Variants in RNF130 observed in about 807,000 individuals in gnomAD.
RNF130 encodes the protein ring finger protein 130.
RNF130 carries 21 observed loss-of-function variants against 44.6 expected under a neutral mutation model. The ratio of observed to expected loss-of-function variants is 0.47; its 90% CI spans 0.33 to 0.68. RNF130 has a LOEUF of 0.68. RNF130 is among the 30% of genes least tolerant of loss of function. The pLI is 0.02. For missense variants in RNF130, 479 were observed against 560.6 expected (o/e 0.85, Z 1.47); for synonymous variants, 214 against 210.4 (o/e 1.02, Z -0.15).
intron 1 of RNF130, among the ~76,000 whole-genome samples, chr5:180,063,617 T>C (rs981831453): frequency 6.6e-6 from 1 of 152,138 alleles, no homozygotes; most frequent in African/African-American, 2.4e-5. Flanking sequence ...TAACAGGAGG[T>C]ACGTGGAGAG....
chr5:179,941,951 A>G (rs996032371), intron 7 of RNF130, among the ~76,000 whole-genome samples: 4 of 152,064 alleles, frequency 2.6e-5, no homozygotes, highest in Admixed American at 1.3e-4. Context: ...AAACATAAGA[A>G]TCTCATTATG....
chr5:179,916,535 C>T (rs1038656977), exon 8 of RNF130: 2 of 152,210 alleles, frequency 1.3e-5, no homozygotes, highest in African/African-American at 2.4e-5. Flanking sequence ...TTCCAAATAT[C>T]ATCAGACTCA....
downstream of RNF130, among the ~76,000 whole-genome samples, chr5:179,952,940 G>A (rs1486769003): frequency 6.6e-6 from 1 of 152,100 alleles, no homozygotes; most frequent in East Asian, 1.9e-4. Context: ...ACAACACATG[G>A]ATGTCTGTTT....
chr5:180,004,831 T>C (rs1763426564), intron 3 of RNF130, among the ~76,000 whole-genome samples: 1 of 152,234 alleles, frequency 6.6e-6, no homozygotes, highest in Non-Finnish European at 1.5e-5. Flanking sequence ...TAGGGTTTTC[T>C]TTTTGTAAAC....
At chr5:179,958,604 G>C (rs1036503632) in intron 8 of RNF130, among the ~76,000 whole-genome samples, 1 of 152,212 alleles carries the variant, frequency 6.6e-6, no homozygotes, top group Non-Finnish European at 1.5e-5. Context: ...GCTTCTGTCT[G>C]AAGAATCAGG....
exon 8 of RNF130, chr5:179,918,796 C>T (rs571308288): frequency 6.6e-6 from 1 of 152,338 alleles, no homozygotes; most frequent in African/African-American, 2.4e-5. Flanking sequence ...GCTGCCCGCT[C>T]TCTGACAATG....
At chr5:180,024,590 A>AATG (rs201841326) in intron 2 of RNF130, among the ~76,000 whole-genome samples, 2,282 of 152,326 alleles carry the variant, frequency 0.015, 40 homozygotes, top group South Asian at 0.028. Flanking sequence ...GTCTTTGAAA[A>AATG]ATGATGGCCA....
At chr5:179,961,393 G>A (rs955901920) in intron 8 of RNF130, among the ~76,000 whole-genome samples, 6 of 152,168 alleles carry the variant, frequency 3.9e-5, no homozygotes, top group Non-Finnish European at 8.8e-5. Flanking sequence ...GTTGAACTAA[G>A]TAAGGCATGG....
At chr5:180,024,493 A>G (rs1459193804) in intron 2 of RNF130, among the ~76,000 whole-genome samples, 2 of 152,198 alleles carry the variant, frequency 1.3e-5, no homozygotes, top group African/African-American at 4.8e-5. Flanking sequence ...ACAACTTCTC[A>G]TCAGAAAAAA....
chr5:179,992,763 T>C (rs1394866445), intron 3 of RNF130, among the ~76,000 whole-genome samples: 1 of 152,206 alleles, frequency 6.6e-6, no homozygotes, highest in African/African-American at 2.4e-5. Flanking sequence ...CTAGGGTACA[T>C]GTGCACAACG....
intron 2 of RNF130, among the ~76,000 whole-genome samples, chr5:180,024,675 A>T (rs997726722): frequency 2.0e-5 from 3 of 152,200 alleles, no homozygotes; most frequent in Admixed American, 6.5e-5. Context: ...GAAATGATTT[A>T]AAAAAAGGGA....
chr5:180,002,954 G>A (rs1490131304), intron 3 of RNF130, among the ~76,000 whole-genome samples: 3 of 151,980 alleles, frequency 2.0e-5, no homozygotes, highest in Non-Finnish European at 4.4e-5. Flanking sequence ...AATTTGAGGA[G>A]ATTTTACAAG....
chr5:180,030,793 G>A (rs1238496444), intron 2 of RNF130, among the ~76,000 whole-genome samples: 1 of 152,178 alleles, frequency 6.6e-6, no homozygotes, highest in Non-Finnish European at 1.5e-5. Flanking sequence ...TCATATAATA[G>A]TAGCCTTTTG....
At chr5:180,060,461 G>A (rs1457412153) in intron 1 of RNF130, among the ~76,000 whole-genome samples, 1 of 152,154 alleles carries the variant, frequency 6.6e-6, no homozygotes, top group Non-Finnish European at 1.5e-5. Flanking sequence ...CATGCTAAAT[G>A]CAAAGTCAAT....
At chr5:179,992,218 T>A (rs1338748025) in intron 3 of RNF130, among the ~76,000 whole-genome samples, 2 of 152,198 alleles carry the variant, frequency 1.3e-5, no homozygotes, top group Non-Finnish European at 2.9e-5. Context: ...CTCGGCTCAC[T>A]GTAAACTCTG....
chr5:179,957,795 G>C (rs1762241607), intron 8 of RNF130, among the ~76,000 whole-genome samples: 1 of 152,214 alleles, frequency 6.6e-6, no homozygotes, highest in African/African-American at 2.4e-5. Flanking sequence ...TCAAACAGAG[G>C]TTAATTTTAA....
chr5:179,958,726 A>T (rs771175053), intron 8 of RNF130, among the ~76,000 whole-genome samples: 30 of 152,046 alleles, frequency 2.0e-4, no homozygotes, highest in Non-Finnish European at 3.8e-4. Context: ...CACTCTGGTC[A>T]CCCAGGCTGG....
chr5:179,917,087 A>T (rs181924906), exon 8 of RNF130: 2,677 of 152,038 alleles, frequency 0.018, 35 homozygotes, highest in Non-Finnish European at 0.028. Flanking sequence ...GCTGCTCGGG[A>T]GGCTGAGGCA....
chr5:179,945,817 T>TGCA (rs528876837), intron 7 of RNF130, among the ~76,000 whole-genome samples: 1 of 151,908 alleles, frequency 6.6e-6, no homozygotes, highest in East Asian at 1.9e-4. Context: ...GGGCAGTGCA[T>TGCA]GCACGCTTCC....
Sources: allele counts gnomAD v4.1 joint callset (sites outside exome capture counted in the v4.1 genomes callset), GRCh38; gene constraint gnomAD v4.1.1; transcripts MANE v1.5; gene names NCBI Gene and HGNC (gene_info 2026-07-23, HGNC 2026-07-21).